Variants in MLXIPL observed in about 807,000 individuals in gnomAD.
The protein encoded by MLXIPL is carbohydrate-responsive element-binding protein.
Under a neutral mutation model 81.5 loss-of-function variants are expected in MLXIPL, and 49 were observed. The observed-to-expected ratio is 0.60, with a 90% CI of 0.48 to 0.76. The LOEUF is 0.76. MLXIPL is among the 30% of genes least tolerant of loss of function. The probability of loss-of-function intolerance (pLI) is 0.00; values close to 1 mark genes in which losing one functional copy is unlikely to be tolerated. For missense variants in MLXIPL, 1,053 were observed against 1,167.0 expected (o/e 0.90, Z 1.42); for synonymous variants, 466 against 485.5 (o/e 0.96, Z 0.53).
In MLXIPL at chr7:73,623,410, C is replaced by G. The variant is rs904582782; in HGVS notation, c.293+790G>C. On this transcript the variant is annotated intron_variant, in intron 1 of 16. Coordinates refer to ENST00000313375, the MANE Select transcript of MLXIPL (RefSeq NM_032951.3). The surrounding 1 kb of genome is among the most constrained non-coding windows in gnomAD (Gnocchi z 5.7). ...GGCCAGGCCTCGGGTTCGCGCCCTCCTCTGGGACGCGGGGCGTGGAGCGGC... is the reference window on the plus strand; with the variant it reads ...GGCCAGGCCTCGGGTTCGCGCCCTCGTCTGGGACGCGGGGCGTGGAGCGGC... 1.3e-5 allele frequency among the ~76,000 whole-genome samples: 2 copies of G among 152,114 alleles called. No individual in the cohort carries two copies. The highest frequency in any genetic ancestry group is 2.9e-5 in the Non-Finnish European group (2 of 68,036).
intron 9 of MLXIPL, 23 bp downstream of exon 9, chr7:73,597,159 C>T (rs782505684): frequency 1.1e-5 from 18 of 1,590,602 alleles, no homozygotes; most frequent in Non-Finnish European, 8.5e-7. Context: ...CCAGGCTTTC[C>T]TCTCCCCGTT....
At chr7:73,621,501 A>G (rs1237879439) in intron 1 of MLXIPL, among the ~76,000 whole-genome samples, 1 of 151,652 alleles carries the variant, frequency 6.6e-6, no homozygotes, top group Non-Finnish European at 1.5e-5. Flanking sequence ...CTCTTCCCAT[A>G]TAGTCACTCC....
Position 73,607,037 on chromosome 7 carries a change from T to C in MLXIPL, c.574-19A>G. 1.2e-6 allele frequency: 2 copies of C among 1,612,532 alleles called. No homozygotes were observed. Among genetic ancestry groups the C allele is most frequent in the Non-Finnish European group, 1.7e-6 (2 of 1,179,452 alleles). ...TACGGAGCTGCAGGGACACACAGAG[T>C]TGGACACCGGATCCCTTGCCCCATC... On this transcript the variant is annotated intron_variant, in intron 4 of 16. Transcript: ENST00000313375.
At chr7:73,594,697 C>T (rs185252256) in intron 15 of MLXIPL, among the ~76,000 whole-genome samples, 59 of 148,848 alleles carry the variant, frequency 4.0e-4, no homozygotes, top group African/African-American at 7.0e-4. Context: ...TACAGGTGTG[C>T]GCCACCACAC....
the MLXIPL span, among the ~76,000 whole-genome samples, chr7:73,633,044 G>A: frequency 6.7e-6 from 1 of 149,916 alleles, no homozygotes; most frequent in Non-Finnish European, 1.5e-5. Context: ...GCCTCCCAAA[G>A]CGCCGGGACT....
At position 73,612,813 on chromosome 7, in the gene MLXIPL, C is replaced by T. The variant is rs566314708; in HGVS notation, c.400+3258G>A. On this transcript the variant is annotated intron_variant, in intron 2 of 16. Transcript: ENST00000313375. ...TTTGTTTAACACTGATAAGTTCTTCCCTTCACTCAGCCGCGGAACCCTTTG... is the reference window on the plus strand; with the variant it reads ...TTTGTTTAACACTGATAAGTTCTTCTCTTCACTCAGCCGCGGAACCCTTTG... 5.9e-5 allele frequency among the ~76,000 whole-genome samples: 9 copies of T among 152,170 alleles called. No individual in the cohort carries two copies. In the South Asian group the frequency reaches 1.9e-3, roughly 32 times the overall value.
At chr7:73,606,521 G>A (rs1173266760) in intron 5 of MLXIPL, 7 of 313,688 alleles carry the variant, frequency 2.2e-5, no homozygotes, top group South Asian at 1.0e-4. Context: ...CACCTCCCAG[G>A]TTCAAGCGAT....
chr7:73,643,468 T>C, the MLXIPL span, among the ~76,000 whole-genome samples: 1 of 149,546 alleles, frequency 6.7e-6, no homozygotes, highest in African/African-American at 2.5e-5. Flanking sequence ...GAGCCGAGAT[T>C]GCGCCACTGC....
At chr7:73,633,182 G>A in the MLXIPL span, among the ~76,000 whole-genome samples, 2 of 150,320 alleles carry the variant, frequency 1.3e-5, no homozygotes, top group African/African-American at 4.9e-5. Context: ...CCAGGTTCAT[G>A]CCATTCTTCT....
rs1313555504 is a variant in MLXIPL at position 73,596,979 on chromosome 7, G to A, written c.1604-47C>T. The A allele has an allele frequency of 2.8e-5, 44 of 1,581,134 alleles. No homozygotes were observed. Among genetic ancestry groups the A allele is most frequent in the Admixed American group, 5.5e-5 (3 of 54,596 alleles). Reference sequence around the variant, plus strand: ...AGGCTACTGGGGCTGGCCCACCCCCGGCATCTATCAAGACCCCATCCTGCC... The same window carrying A: ...AGGCTACTGGGGCTGGCCCACCCCCAGCATCTATCAAGACCCCATCCTGCC... On this transcript the variant is annotated intron_variant, in intron 9 of 16. Coordinates refer to ENST00000313375, the MANE Select transcript of MLXIPL (RefSeq NM_032951.3). The surrounding 1 kb of genome is among the most constrained non-coding windows in gnomAD (Gnocchi z 4.7).
At chr7:73,627,337 C>T (rs1381164115), upstream of MLXIPL, among the ~76,000 whole-genome samples, 2 of 151,846 alleles carry the variant, frequency 1.3e-5, no homozygotes, top group African/African-American at 4.8e-5. Flanking sequence ...CAACCTCCGC[C>T]TCCCGGGCTC....
chr7:73,606,954 T>C lies in MLXIPL; in HGVS notation c.618+20A>G. 1.9e-6 allele frequency: 3 copies of C among 1,613,258 alleles called. No homozygotes were observed. Among genetic ancestry groups the C allele is most frequent in the Non-Finnish European group, 2.5e-6 (3 of 1,179,718 alleles). ...GGGGCAAAGGGATGCCCTTGCCTGC[T>C]GGACTTACAGAGCACCCACCTGCTT... On this transcript the variant is annotated intron_variant, in intron 5 of 16. Coordinates refer to ENST00000313375, the MANE Select transcript of MLXIPL (RefSeq NM_032951.3).
rs917474128 is a variant in MLXIPL at position 73,623,649 on chromosome 7, G to A, written c.293+551C>T. Among the ~76,000 whole-genome samples, 3 of 152,316 alleles carry A rather than the reference G, an allele frequency of 2.0e-5. No individual in the cohort carries two copies. The highest frequency in any genetic ancestry group is 7.2e-5 in the African/African-American group (3 of 41,582). On this transcript the variant is annotated intron_variant, in intron 1 of 16. Transcript: ENST00000313375. The surrounding 1 kb of genome is among the most constrained non-coding windows in gnomAD (Gnocchi z 5.7). ...CAAGAAGAGGTGTCTCAGCAATTGC[G>A]GGGAGGTGGACGTGAGAGTGGGCCA...
At chr7:73,640,454 C>T in the MLXIPL span, among the ~76,000 whole-genome samples, 2 of 144,226 alleles carry the variant, frequency 1.4e-5, no homozygotes, top group Non-Finnish European at 3.1e-5. Context: ...CCCTCAAAAA[C>T]AGTAAAGAAA....
intron 2 of MLXIPL, chr7:73,611,422 C>T (rs186497505): frequency 6.6e-6 from 1 of 152,368 alleles, no homozygotes; most frequent in East Asian, 1.9e-4. Context: ...CAGCCAACTT[C>T]CTCTGGGACA....
chr7:73,646,303 G>A, the MLXIPL span, among the ~76,000 whole-genome samples: 67 of 152,194 alleles, frequency 4.4e-4, no homozygotes, highest in Admixed American at 2.4e-3. Context: ...CCACTTCCAC[G>A]CTTCCAGTCC....
intron 2 of MLXIPL, chr7:73,610,676 T>C (rs1795633613): frequency 6.6e-6 from 1 of 152,240 alleles, no homozygotes; most frequent in African/African-American, 2.4e-5. Context: ...GGTTTCGCCA[T>C]GTTGCCCAGG....
At chr7:73,617,720 C>T (rs1554601109) in intron 1 of MLXIPL, among the ~76,000 whole-genome samples, 2 of 152,046 alleles carry the variant, frequency 1.3e-5, no homozygotes, top group African/African-American at 4.8e-5. Context: ...GTGGCATGCA[C>T]CTATAGTCCT....
At chr7:73,622,858 G>C (rs1205004595) in intron 1 of MLXIPL, among the ~76,000 whole-genome samples, 2 of 152,224 alleles carry the variant, frequency 1.3e-5, no homozygotes, top group Middle Eastern at 3.4e-3. Flanking sequence ...CTCCCAAATA[G>C]AGTGATGTGT....
Sources: allele counts gnomAD v4.1 joint callset (sites outside exome capture counted in the v4.1 genomes callset), GRCh38; gene constraint gnomAD v4.1.1; non-coding constraint Gnocchi (gnomAD v3.1); transcripts MANE v1.5; gene names NCBI Gene and HGNC (gene_info 2026-07-23, HGNC 2026-07-21).